The following ETFDH variants were observed in gnomAD, a reference collection of about 807,000 sequenced individuals.
The protein encoded by ETFDH is electron transfer flavoprotein-ubiquinone oxidoreductase, mitochondrial.
In ETFDH, 61 loss-of-function variants were observed where a neutral mutation model predicts 73.2. That is an observed-to-expected ratio of 0.83 (90% CI 0.68 to 1.03). The LOEUF (loss-of-function observed/expected upper bound fraction) is 1.03, where lower values mean the gene tolerates loss of function less well. ETFDH is among the 50% of genes least tolerant of loss of function. The pLI, the probability that ETFDH is intolerant of heterozygous loss-of-function variation, is 0.00. For missense variants in ETFDH, 685 were observed against 745.0 expected, an observed-to-expected ratio of 0.92 and a Z score of 0.94; for synonymous variants, 243 against 253.3, an observed-to-expected ratio of 0.96 and a Z score of 0.39.
intron 7 of ETFDH, among the ~76,000 whole-genome samples, chr4:158,697,096 T>TA (rs1774325900): frequency 1.3e-5 from 2 of 152,072 alleles, no homozygotes; most frequent in African/African-American, 4.8e-5. Context: ...TTTTTATTAT[T>TA]TTTTTATTTT....
intron 1 of ETFDH, among the ~76,000 whole-genome samples, chr4:158,677,912 C>T (rs900241186): frequency 2.6e-5 from 4 of 152,128 alleles, no homozygotes; most frequent in African/African-American, 4.8e-5. Context: ...TACACAAGGT[C>T]ACAAAGATTT....
At chr4:158,678,240 G>T (rs898014178) in intron 1 of ETFDH, among the ~76,000 whole-genome samples, 1 of 152,098 alleles carries the variant, frequency 6.6e-6, no homozygotes, top group Admixed American at 6.5e-5. Context: ...CCTTTAGTTG[G>T]CAGGTCTCCA....
chr4:158,686,291 C>T (rs1774002712), intron 5 of ETFDH, among the ~76,000 whole-genome samples: 2 of 152,112 alleles, frequency 1.3e-5, no homozygotes, highest in Non-Finnish European at 2.9e-5. Flanking sequence ...AGCTGACACT[C>T]CTATAACAAA....
intron 7 of ETFDH, 30 bp downstream of exon 7, chr4:158,695,673 T>A (rs1344810687): frequency 2.6e-6 from 4 of 1,510,274 alleles, no homozygotes; most frequent in Non-Finnish European, 3.7e-6. Context: ...TAATTTTAAT[T>A]TTGAAAGATG....
At chr4:158,678,462 G>T (rs536379362) in intron 1 of ETFDH, among the ~76,000 whole-genome samples, 3 of 152,102 alleles carry the variant, frequency 2.0e-5, no homozygotes, top group Admixed American at 6.5e-5. Context: ...GGGATACATG[G>T]TATCAATATG....
Position 158,685,153 on chromosome 4 carries a change from G to C in ETFDH, c.540G>C (p.Val180=). ...ACATTGTACGCTTGGGACATTTAGTGAGCTGGATGGGCGAACAAGCAGAAG... is the reference window on the plus strand; with the variant it reads ...ACATTGTACGCTTGGGACATTTAGTCAGCTGGATGGGCGAACAAGCAGAAG... ...GNYIVRLGHL[V]SWMGEQAEAL... is the part of the protein sequence containing the mutation. Residue 180 remains valine, a synonymous_variant, in exon 5 of 13, where the codon GTG becomes GTC. Coordinates refer to ENST00000511912, the MANE Select transcript of ETFDH (RefSeq NM_004453.4). 1 of 1,613,184 alleles carries C rather than the reference G, an allele frequency of 6.2e-7. No homozygotes were observed. The highest frequency in any genetic ancestry group is 1.1e-5 in the South Asian group (1 of 91,020).
chr4:158,688,598 G>A (rs922200083), intron 5 of ETFDH, among the ~76,000 whole-genome samples: 16 of 151,876 alleles, frequency 1.1e-4, no homozygotes, highest in Admixed American at 2.6e-4. Flanking sequence ...TCGTGAACCC[G>A]GGAGGCAGAG....
chr4:158,695,716 T>G, intron 7 of ETFDH, 73 bp downstream of exon 7: 3 of 977,150 alleles, frequency 3.1e-6, no homozygotes, highest in Non-Finnish European at 4.9e-6. Flanking sequence ...TCAGGTAGTT[T>G]ATAATACTGA....
rs764256641 is a variant in ETFDH, at chr4:158,695,662, G to A, written c.831+19G>A. On this transcript the variant is annotated intron_variant, in intron 7 of 12. Coordinates refer to ENST00000511912, the MANE Select transcript of ETFDH (RefSeq NM_004453.4). The stretch of plus-strand genomic sequence containing the variant: ...GAAGGAGGTATCCTGGTTTGTTTCT[G>A]TAATTTTAATTTTGAAAGATGGAAT... 6.4e-7 allele frequency: 1 copy of A among 1,573,952 alleles called. No homozygotes were observed. Among genetic ancestry groups the A allele is most frequent in the Admixed American group, 1.7e-5 (1 of 59,902 alleles).
intron 5 of ETFDH, among the ~76,000 whole-genome samples, chr4:158,686,126 G>T (rs1773994721): frequency 6.6e-6 from 1 of 152,176 alleles, no homozygotes; most frequent in Admixed American, 6.5e-5. Context: ...CTTTAGAAGA[G>T]ATAGGATTGA....
At chr4:158,675,173 C>T (rs1301842292) in intron 1 of ETFDH, among the ~76,000 whole-genome samples, 1 of 152,130 alleles carries the variant, frequency 6.6e-6, no homozygotes, top group Non-Finnish European at 1.5e-5. Context: ...ACATTTTCAT[C>T]ACCCCAAAAA....
Position 158,709,493 on chromosome 4 carries a change from C to T in ETFDH, c.*966C>T, listed in dbSNP as rs1362308358. ...GATGCAGTGAGCCGAGATTGCGCCA[C>T]CGCACTCCAGCCTGGGTGACAGAGC... On this transcript the variant is annotated 3_prime_UTR_variant, in exon 13 of 13. Transcript: ENST00000511912. The T allele has an allele frequency of 9.3e-5, 27 of 289,960 alleles. No homozygotes were observed. In the South Asian group the frequency reaches 1.7e-3, roughly 18 times the overall value. 18.0% of individuals were successfully genotyped at this position (289,960 alleles called of 1,614,324 possible).
chr4:158,682,332 A>C lies in ETFDH; in HGVS notation c.313A>C (p.Lys105Gln). The C allele has an allele frequency of 6.2e-7, 1 of 1,614,144 alleles. No homozygotes were observed. The highest frequency in any genetic ancestry group is 1.3e-5 in the African/African-American group (1 of 75,030). Residue 105 changes from lysine (K) to glutamine (Q), a missense_variant, in exon 3 of 13, where the codon AAA (lysine) becomes CAA (glutamine). Around this residue, in one of 3 missense-constraint regions of ETFDH, gnomAD observed 405 missense variants for 399.3 expected, o/e 1.01. Transcript: ENST00000511912. ...EKDIRVCLVEKAAQIGAHTLS... is the reference protein window; with the variant it reads ...EKDIRVCLVEQAAQIGAHTLS... ...GGACATCCGTGTGTGTCTAGTGGAG[A>C]AAGCTGCCCAGATAGGAGCTCATAC...
intron 6 of ETFDH, among the ~76,000 whole-genome samples, chr4:158,694,594 C>CAAAAA: frequency 1.0e-5 from 1 of 96,714 alleles, no homozygotes; most frequent in African/African-American, 3.6e-5. Context: ...AACTCTGTCT[C>CAAAAA]AAAAAAAAAA....
In ETFDH at chr4:158,706,390, T is replaced by G; in HGVS notation, c.1468+19T>G. ...CATAAAGGTAATTCAAACAAGAGTA[T>G]GAGTGACATGATCATTAAAAATTCA... On this transcript the variant is annotated intron_variant, in intron 11 of 12. Coordinates refer to ENST00000511912, the MANE Select transcript of ETFDH (RefSeq NM_004453.4). 5 of 1,577,668 alleles carry G rather than the reference T, an allele frequency of 3.2e-6. No homozygotes were observed. In the South Asian group the frequency reaches 3.3e-5, roughly 10 times the overall value.
intron 6 of ETFDH, among the ~76,000 whole-genome samples, chr4:158,691,986 T>C (rs1774177180): frequency 6.6e-6 from 1 of 152,214 alleles, no homozygotes; most frequent in Non-Finnish European, 1.5e-5. Flanking sequence ...CTATTAGGTA[T>C]CAGTAAATAT....
intron 10 of ETFDH, among the ~76,000 whole-genome samples, chr4:158,705,304 C>A (rs1164797792): frequency 5.3e-5 from 8 of 152,128 alleles, no homozygotes; most frequent in African/African-American, 1.9e-4. Context: ...CTCAAGCAGT[C>A]CTCCCACTTT....
At chr4:158,699,695 A>G (rs188544450) in intron 9 of ETFDH, among the ~76,000 whole-genome samples, 6 of 152,376 alleles carry the variant, frequency 3.9e-5, no homozygotes, top group African/African-American at 1.4e-4. Context: ...CTTAACTGCC[A>G]GGAAACTCAA....
At position 158,690,378 on chromosome 4, in the gene ETFDH, G is replaced by T. The variant is rs1413491923; in HGVS notation, c.637G>T (p.Gly213Ter). ...VLFHDDGSVK[G>*]IATNDVGIQK... ...TTTTCATGATGATGGTAGTGTAAAA[G>T]GAATTGCCACTAACGATGTAGGGAT... Residue 213 changes from glycine to a stop codon, truncating the protein, a stop_gained, in exon 6 of 13, where the codon GGA becomes TGA. Coordinates refer to ENST00000511912, the MANE Select transcript of ETFDH (RefSeq NM_004453.4). LOFTEE classifies it high-confidence loss of function. The T allele has an allele frequency of 6.2e-7, 1 of 1,603,020 alleles. No homozygotes were observed. Among genetic ancestry groups the T allele is most frequent in the East Asian group, 2.2e-5 (1 of 44,808 alleles).
Sources: gnomAD v4.1 joint callset for allele counts (sites outside exome capture counted in the v4.1 genomes callset) on GRCh38, gnomAD v4.1.1 for gene constraint, gnomAD v4.1.1 regional missense constraint, MANE v1.5 for transcripts, NCBI Gene and HGNC (gene_info 2026-07-23, HGNC 2026-07-21) for gene names.